Variants in ANKS1B observed in about 807,000 individuals in gnomAD.
ANKS1B encodes ankyrin repeat and sterile alpha motif domain containing 1B, also known as ankyrin repeat and sterile alpha motif domain-containing protein 1B.
In ANKS1B, 36 loss-of-function variants were observed where a neutral mutation model predicts 148.3. The ratio of observed to expected loss-of-function variants is 0.24; its 90% confidence interval spans 0.19 to 0.32. The LOEUF is 0.32. Ranked by LOEUF, ANKS1B falls within the 10% of genes least tolerant of loss-of-function variation. ANKS1B has a pLI of 1.00. For synonymous variants in ANKS1B, 542 were observed against 560.8 expected (o/e 0.97, Z 0.47); for missense variants, 1,157 against 1,542.6 (o/e 0.75, Z 4.19).
At chr12:99,645,811 T>C (rs561936600) in intron 9 of ANKS1B, among the ~76,000 whole-genome samples, 25 of 152,220 alleles carry the variant, frequency 1.6e-4, no homozygotes, top group African/African-American at 6.0e-4. Context: ...TAAAAATAGG[T>C]ATTTGCCAGA....
chr12:99,637,164 T>G (rs2098246162), intron 9 of ANKS1B, among the ~76,000 whole-genome samples: 2 of 151,978 alleles, frequency 1.3e-5, no homozygotes, highest in Admixed American at 1.3e-4. Flanking sequence ...AAAAGAAAAT[T>G]AGCTGGGCAT....
At chr12:98,998,108 A>G (rs2099930783) in intron 17 of ANKS1B, among the ~76,000 whole-genome samples, 1 of 152,190 alleles carries the variant, frequency 6.6e-6, no homozygotes, top group South Asian at 2.1e-4. Context: ...GAAGGGAACA[A>G]CTGTCATCTG....
chr12:99,003,558 T>C (rs1482667533), intron 17 of ANKS1B, among the ~76,000 whole-genome samples: 1 of 152,228 alleles, frequency 6.6e-6, no homozygotes, highest in Non-Finnish European at 1.5e-5. Context: ...ACACTGTTAG[T>C]TAATTTTAAT....
At chr12:98,808,666 G>A (rs2099069900) in intron 19 of ANKS1B, among the ~76,000 whole-genome samples, 1 of 152,184 alleles carries the variant, frequency 6.6e-6, no homozygotes, top group African/African-American at 2.4e-5. Flanking sequence ...AGTAATGTTT[G>A]CTCAGAACCA....
At chr12:99,062,154 CA>C (rs1410955225) in intron 16 of ANKS1B, among the ~76,000 whole-genome samples, 1 of 152,178 alleles carries the variant, frequency 6.6e-6, no homozygotes, top group African/African-American at 2.4e-5. Flanking sequence ...TTGGCAACTC[CA>C]CTTATTAGCT....
At chr12:99,864,349 T>A (rs1055514664) in intron 1 of ANKS1B, among the ~76,000 whole-genome samples, 1 of 152,204 alleles carries the variant, frequency 6.6e-6, no homozygotes, top group Non-Finnish European at 1.5e-5. Context: ...CTTTTAGCCA[T>A]GAAAATCAAA....
At chr12:98,818,657 C>G (rs2099161181) in intron 19 of ANKS1B, among the ~76,000 whole-genome samples, 1 of 152,142 alleles carries the variant, frequency 6.6e-6, no homozygotes, top group African/African-American at 2.4e-5. Flanking sequence ...CAGTGATCAG[C>G]TTTTTATCAT....
At chr12:99,518,140 T>C (rs2096840412) in intron 9 of ANKS1B, among the ~76,000 whole-genome samples, 1 of 152,186 alleles carries the variant, frequency 6.6e-6, no homozygotes, top group Admixed American at 6.5e-5. Context: ...GTTGAGGATT[T>C]TTGCATTAAT....
intron 12 of ANKS1B, among the ~76,000 whole-genome samples, chr12:99,346,289 C>T (rs762559299): frequency 2.0e-5 from 3 of 151,220 alleles, no homozygotes; most frequent in Non-Finnish European, 4.4e-5. Context: ...TACCCCCCTG[C>T]CTAAACAATT....
chr12:99,656,171 T>C (rs1226801025), intron 8 of ANKS1B, among the ~76,000 whole-genome samples: 1 of 152,174 alleles, frequency 6.6e-6, no homozygotes, highest in Non-Finnish European at 1.5e-5. Flanking sequence ...AGAGAATTAA[T>C]ATCTATATAG....
intron 17 of ANKS1B, 21 bp downstream of exon 17, chr12:99,053,136 G>A: frequency 1.9e-6 from 3 of 1,586,846 alleles, no homozygotes; most frequent in Non-Finnish European, 2.6e-6. Context: ...TAGTTAAGGT[G>A]TCACTAAGAG....
chr12:98,881,126 A>G (rs960422803), intron 17 of ANKS1B, among the ~76,000 whole-genome samples: 11 of 152,246 alleles, frequency 7.2e-5, no homozygotes, highest in Non-Finnish European at 1.3e-4. Context: ...AAACCCCCAA[A>G]GAGCTAATTT....
At chr12:98,793,081 A>G (rs2098902583) in intron 22 of ANKS1B, among the ~76,000 whole-genome samples, 4 of 152,192 alleles carry the variant, frequency 2.6e-5, no homozygotes, top group East Asian at 1.9e-4. Flanking sequence ...ATTCCCACCA[A>G]CAATGTACAA....
intron 9 of ANKS1B, among the ~76,000 whole-genome samples, chr12:99,533,302 A>T (rs1346212218): frequency 6.6e-6 from 1 of 152,086 alleles, no homozygotes; most frequent in Non-Finnish European, 1.5e-5. Flanking sequence ...AGCTATTGTA[A>T]ATGGGATTGA....
intron 8 of ANKS1B, among the ~76,000 whole-genome samples, chr12:99,752,597 CATA>C (rs1256586396): frequency 2.6e-5 from 4 of 151,896 alleles, no homozygotes; most frequent in African/African-American, 9.7e-5. Context: ...TACAAAATAT[CATA>C]ATGTGTATTT....
intron 1 of ANKS1B, among the ~76,000 whole-genome samples, chr12:99,979,538 G>A (rs1468198238): frequency 6.6e-6 from 1 of 152,036 alleles, no homozygotes; most frequent in Non-Finnish European, 1.5e-5. Flanking sequence ...AGGTCCAAAC[G>A]AGACCATAAG....
intron 11 of ANKS1B, among the ~76,000 whole-genome samples, chr12:99,424,661 C>CACACT (rs1567075275): frequency 1.3e-4 from 20 of 150,478 alleles, no homozygotes; most frequent in African/African-American, 4.6e-4. Context: ...ACACACACAC[C>CACACT]CATAAGGAAA....
At chr12:99,365,445 C>T (rs1401109583) in intron 12 of ANKS1B, among the ~76,000 whole-genome samples, 1 of 152,150 alleles carries the variant, frequency 6.6e-6, no homozygotes, top group Non-Finnish European at 1.5e-5. Flanking sequence ...GAAATCAAGG[C>T]TGGCCATGGG....
chr12:99,807,634 T>C (rs1489683032), intron 3 of ANKS1B, among the ~76,000 whole-genome samples: 2 of 152,112 alleles, frequency 1.3e-5, no homozygotes, highest in Non-Finnish European at 2.9e-5. Context: ...CTAGACATAG[T>C]TGCATTTTAT....
Sources: allele counts gnomAD v4.1 joint callset (sites outside exome capture counted in the v4.1 genomes callset), GRCh38; gene constraint gnomAD v4.1.1; transcripts MANE v1.5; gene names NCBI Gene and HGNC (gene_info 2026-07-23, HGNC 2026-07-21).